Variants in SMOC2 observed in about 807,000 individuals in gnomAD.
The protein encoded by SMOC2 is SPARC-related modular calcium-binding protein 2.
Under a neutral mutation model 61.4 loss-of-function variants are expected in SMOC2, and 39 were observed. That is an observed-to-expected ratio of 0.64 (90% CI 0.49 to 0.83). The LOEUF (loss-of-function observed/expected upper bound fraction) is 0.83. Among genes scored for constraint, SMOC2 ranks in the 40% least tolerant of loss-of-function variants. The pLI is 0.00. For missense variants in SMOC2, 556 were observed against 592.9 expected (o/e 0.94, Z 0.65); for synonymous variants, 247 against 239.9 (o/e 1.03, Z -0.27).
chr6:168,505,062 A>C (rs1294161902), intron 1 of SMOC2, among the ~76,000 whole-genome samples: 1 of 151,722 alleles, frequency 6.6e-6, no homozygotes, highest in Non-Finnish European at 1.5e-5. Flanking sequence ...ACTGAATGAA[A>C]TGTCCATCTC....
intron 4 of SMOC2, among the ~76,000 whole-genome samples, chr6:168,532,514 A>G (rs1783633139): frequency 7.2e-6 from 1 of 139,240 alleles, no homozygotes; most frequent in South Asian, 2.3e-4. Context: ...TTTTGCCAAG[A>G]GAGGGTGTTT....
intron 1 of SMOC2, among the ~76,000 whole-genome samples, chr6:168,504,870 G>A (rs924882420): frequency 3.9e-5 from 6 of 152,152 alleles, no homozygotes; most frequent in African/African-American, 1.2e-4. Context: ...AGCTGGGTCT[G>A]ACTTTTGAGC....
chr6:168,642,370 G>A (rs1786913756), intron 9 of SMOC2, among the ~76,000 whole-genome samples: 2 of 152,258 alleles, frequency 1.3e-5, no homozygotes, highest in African/African-American at 4.8e-5. Context: ...ACTGGCACAA[G>A]TGTAGGCTAC....
intron 4 of SMOC2, among the ~76,000 whole-genome samples, chr6:168,530,598 C>T (rs1031647636): frequency 5.3e-5 from 8 of 151,774 alleles, no homozygotes; most frequent in Admixed American, 1.3e-4. Context: ...CTCCCCTCCA[C>T]ACCCACTGGT....
chr6:168,599,628 ACACACC>A (rs1200067367), intron 8 of SMOC2, among the ~76,000 whole-genome samples: 4 of 21,624 alleles, frequency 1.8e-4, no homozygotes, highest in Admixed American at 4.7e-4. Flanking sequence ...CTCATACCAC[ACACACC>A]CACACCCACA....
chr6:168,599,398 A>T lies in SMOC2; in HGVS notation c.824+394A>T, dbSNP rs1562372583. On this transcript the variant is annotated intron_variant, in intron 8 of 12. Transcript: ENST00000356284. ...CACACACACCCACACTCACACACAC[A>T]CTGACACACACACATTCATACCCCC... Among the ~76,000 whole-genome samples the T allele has an allele frequency of 3.0e-3, 241 of 79,764 alleles. 1 individual carries two copies. Among genetic ancestry groups the T allele is most frequent in the African/African-American group, 0.01 (235 of 22,998 alleles). The allele number at this position is 79,764 out of a possible 152,430, so 52.3% of individuals were successfully genotyped here.
Position 168,526,352 on chromosome 6 carries a change from C to A in SMOC2, c.263C>A (p.Ser88Tyr). Reference protein sequence around the residue: ...IAYRGNCKDVSRCVAERKYTQ... With the variant: ...IAYRGNCKDVYRCVAERKYTQ... ...GCCCTGTTCTTCCCTACAGACGTGT[C>A]CAGGTGTGTGGCCGAAAGGAAGTAT... is the stretch of plus-strand genomic sequence containing the variant. Residue 88 changes from serine to tyrosine, a missense_variant, in exon 3 of 13, where the codon TCC (serine) becomes TAC (tyrosine). Transcript: ENST00000356284. 1 of 1,614,066 alleles carries A rather than the reference C, an allele frequency of 6.2e-7. No homozygotes were observed. The highest frequency in any genetic ancestry group is 8.5e-7 in the Non-Finnish European group (1 of 1,179,902).
At chr6:168,622,046 A>G (rs1308080614) in intron 9 of SMOC2, among the ~76,000 whole-genome samples, 1 of 151,968 alleles carries the variant, frequency 6.6e-6, no homozygotes, top group Non-Finnish European at 1.5e-5. Flanking sequence ...GCTCACTGCA[A>G]GCTCCGCCTC....
chr6:168,651,413 C>T (rs1787188496), intron 10 of SMOC2, among the ~76,000 whole-genome samples: 1 of 152,176 alleles, frequency 6.6e-6, no homozygotes, highest in Non-Finnish European at 1.5e-5. Context: ...TTTCCACCCT[C>T]TGTAGATCAG....
At chr6:168,570,375 A>G (rs1368118522) in intron 7 of SMOC2, among the ~76,000 whole-genome samples, 1 of 152,122 alleles carries the variant, frequency 6.6e-6, no homozygotes, top group Non-Finnish European at 1.5e-5. Context: ...GCTGAGGCCC[A>G]CCGCGGGGGC....
chr6:168,579,445 G>C (rs1452365940), intron 7 of SMOC2, among the ~76,000 whole-genome samples: 15 of 152,238 alleles, frequency 9.9e-5, no homozygotes, highest in Admixed American at 9.8e-4. Flanking sequence ...TTGGAAAATG[G>C]AAACTATTCT....
chr6:168,659,859 T>G (rs1787456165), intron 11 of SMOC2, among the ~76,000 whole-genome samples: 1 of 152,270 alleles, frequency 6.6e-6, no homozygotes, highest in Admixed American at 6.5e-5. Context: ...GGTTGTAGGT[T>G]GTGTGAGGAT....
chr6:168,598,066 A>C (rs999547600), intron 7 of SMOC2, among the ~76,000 whole-genome samples: 7 of 152,252 alleles, frequency 4.6e-5, no homozygotes, highest in Admixed American at 1.3e-4. Flanking sequence ...ATGTAGCACA[A>C]TGCCTGGTGC....
intron 1 of SMOC2, among the ~76,000 whole-genome samples, chr6:168,494,310 C>T (rs905031496): frequency 3.3e-5 from 5 of 152,186 alleles, no homozygotes; most frequent in Non-Finnish European, 7.3e-5. Context: ...GTAGGGCAGG[C>T]ATGTGATAAG....
In SMOC2 at chr6:168,666,726, A is replaced by G. The variant is rs373174540; in HGVS notation, c.*288A>G. On this transcript the variant is annotated 3_prime_UTR_variant, in exon 13 of 13. Transcript: ENST00000356284. ...TTTAGGCTTAATTTCTTCGCCTTCC[A>G]CATGTTAACAGTAGAGCTCTATGCA... The G allele has an allele frequency of 2.2e-6, 1 of 463,332 alleles. No individual in the cohort carries two copies. Among genetic ancestry groups the G allele is most frequent in the South Asian group, 2.7e-5 (1 of 36,746 alleles). 28.7% of individuals were successfully genotyped at this position (463,332 alleles called of 1,614,324 possible).
chr6:168,569,672 T>C (rs1784621820), intron 7 of SMOC2, among the ~76,000 whole-genome samples: 1 of 152,116 alleles, frequency 6.6e-6, no homozygotes, highest in Admixed American at 6.6e-5. Flanking sequence ...CCCAACTCCT[T>C]AGCTCAAGCT....
Position 168,526,847 on chromosome 6 carries a change from C to T in SMOC2, c.363+395C>T, listed in dbSNP as rs188975747. 1.2e-3 allele frequency among the ~76,000 whole-genome samples: 181 copies of T among 152,256 alleles called. 2 individuals carry two copies. The highest frequency in any genetic ancestry group is 1.3e-3 in the Non-Finnish European group (88 of 68,020). On this transcript the variant is annotated intron_variant, in intron 3 of 12. Coordinates refer to ENST00000356284, the MANE Select transcript of SMOC2 (RefSeq NM_001166412.2). ...CACTAAAAGTCGTGTCTGTGCCAAG[C>T]GTGAGCTCCTGGATCATTCATTCCA...
At chr6:168,515,331 G>A (rs1190334311) in intron 2 of SMOC2, among the ~76,000 whole-genome samples, 1 of 152,204 alleles carries the variant, frequency 6.6e-6, no homozygotes, top group Non-Finnish European at 1.5e-5. Context: ...GGCGGCAAAC[G>A]TTACAATCAG....
chr6:168,495,459 CTTTGTCACA>C (rs1483755716), intron 1 of SMOC2, among the ~76,000 whole-genome samples: 1 of 152,194 alleles, frequency 6.6e-6, no homozygotes, highest in East Asian at 1.9e-4. Context: ...AATTCTATCT[CTTTGTCACA>C]TTTAATTTTT....
Sources: allele counts gnomAD v4.1 joint callset (sites outside exome capture counted in the v4.1 genomes callset), GRCh38; gene constraint gnomAD v4.1.1; transcripts MANE v1.5; gene names NCBI Gene and HGNC (gene_info 2026-07-23, HGNC 2026-07-21).